Variants in SNTB2 observed in about 807,000 individuals in gnomAD.
SNTB2 encodes syntrophin beta 2.
SNTB2 carries 34 observed loss-of-function variants against 46.2 expected under a neutral mutation model. The observed-to-expected ratio is 0.74, with a 90% CI of 0.56 to 0.98. SNTB2 has a LOEUF of 0.98. SNTB2 is among the 50% of genes least tolerant of loss of function. The pLI is 0.00. For missense variants in SNTB2, 603 were observed against 731.4 expected (o/e 0.82, Z 2.02); for synonymous variants, 290 against 312.6 (o/e 0.93, Z 0.76).
chr16:69,282,151 C>T (rs544130949), intron 4 of SNTB2, among the ~76,000 whole-genome samples: 78 of 149,566 alleles, frequency 5.2e-4, no homozygotes, highest in Non-Finnish European at 9.5e-4. Flanking sequence ...GTGATCCGCC[C>T]GCCTTGGCCT....
At chr16:69,192,851 T>C (rs79901720) in intron 1 of SNTB2, among the ~76,000 whole-genome samples, 3,507 of 152,284 alleles carry the variant, frequency 0.023, 136 homozygotes, top group African/African-American at 0.08. Context: ...AAAAGAAATA[T>C]AAAATTCAAA....
chr16:69,288,727 A>G (rs566004933), intron 5 of SNTB2, among the ~76,000 whole-genome samples: 16 of 152,366 alleles, frequency 1.1e-4, no homozygotes, highest in Non-Finnish European at 2.1e-4. Flanking sequence ...TGTCAGAAAG[A>G]TACCTGCACC....
chr16:69,301,033 C>T lies in SNTB2; in HGVS notation c.*109C>T, dbSNP rs1965274150. On this transcript the variant is annotated 3_prime_UTR_variant, in exon 7 of 7. Transcript: ENST00000336278. ...TGCTCTCCTTCAGCACAGTGCCTTC[C>T]CAAGGACCTGCAAATAACTGCTGAA... is the stretch of plus-strand genomic sequence containing the variant. The T allele has an allele frequency of 1.5e-6, 1 of 672,242 alleles. No individual in the cohort carries two copies. The highest frequency in any genetic ancestry group is 2.6e-6 in the Non-Finnish European group (1 of 382,908). 41.6% of individuals were successfully genotyped at this position (672,242 alleles called of 1,614,324 possible). A position where few individuals can be genotyped will look rare whatever the true frequency, so the allele number is the denominator to read the frequency against.
Position 69,301,247 on chromosome 16 carries a change from A to C in SNTB2, c.*323A>C, listed in dbSNP as rs1303393840. The C allele has an allele frequency of 4.7e-6, 1 of 211,702 alleles. No homozygotes were observed. Among genetic ancestry groups the C allele is most frequent in the African/African-American group, 2.3e-5 (1 of 43,530 alleles). 13.1% of individuals were successfully genotyped at this position (211,702 alleles called of 1,614,324 possible). On this transcript the variant is annotated 3_prime_UTR_variant, in exon 7 of 7. Coordinates refer to ENST00000336278, the MANE Select transcript of SNTB2 (RefSeq NM_006750.4). ...GTTTTCTTTTTTTTTCATTGTTTTC[A>C]TTTTTAGACATAATCAAATACCCAA...
intron 1 of SNTB2, among the ~76,000 whole-genome samples, chr16:69,241,169 T>C (rs1053009608): frequency 2.2e-5 from 1 of 44,836 alleles, no homozygotes; most frequent in East Asian, 4.2e-4. Flanking sequence ...CTGGATAAGC[T>C]TTTTTTTTTT....
chr16:69,218,615 G>T (rs1270352302), intron 1 of SNTB2, among the ~76,000 whole-genome samples: 1 of 152,014 alleles, frequency 6.6e-6, no homozygotes, highest in Admixed American at 6.6e-5. Flanking sequence ...TAGAGACGGG[G>T]TTTCACTGTG....
chr16:69,197,855 A>T (rs1264499621), intron 1 of SNTB2, among the ~76,000 whole-genome samples: 1 of 152,202 alleles, frequency 6.6e-6, no homozygotes, highest in Non-Finnish European at 1.5e-5. Context: ...AGTAGTGTAG[A>T]TAATTTTTTT....
At chr16:69,235,889 T>A in intron 1 of SNTB2, 1 of 1,278,538 alleles carries the variant, frequency 7.8e-7, no homozygotes, top group Non-Finnish European at 1.0e-6. Flanking sequence ...GTTGTGTGGA[T>A]GCAGTCCCAT....
At chr16:69,231,860 T>C (rs1229904482) in intron 1 of SNTB2, among the ~76,000 whole-genome samples, 2 of 152,328 alleles carry the variant, frequency 1.3e-5, no homozygotes, top group Non-Finnish European at 2.9e-5. Context: ...ATTGAGAAGC[T>C]TGCATATTCT....
chr16:69,223,428 C>T (rs1597178260), intron 1 of SNTB2, among the ~76,000 whole-genome samples: 2 of 152,114 alleles, frequency 1.3e-5, no homozygotes, highest in Admixed American at 6.5e-5. Context: ...TTCCTGACTT[C>T]AGGTAATGCA....
chr16:69,247,376 GA>G (rs1341737841), intron 2 of SNTB2, among the ~76,000 whole-genome samples: 2 of 152,088 alleles, frequency 1.3e-5, no homozygotes, highest in Non-Finnish European at 2.9e-5. Flanking sequence ...GAGATTAGTG[GA>G]AAAAATAAGA....
In SNTB2 at chr16:69,305,502, T is replaced by C. The variant is rs1488967825; in HGVS notation, c.*4578T>C. 1 of 152,226 alleles carries C rather than the reference T, an allele frequency of 6.6e-6. No individual in the cohort carries two copies. Among genetic ancestry groups the C allele is most frequent in the Non-Finnish European group, 1.5e-5 (1 of 68,032 alleles). The allele number at this position is 152,226 out of a possible 1,614,324, so 9.4% of individuals were successfully genotyped here. On this transcript the variant is annotated 3_prime_UTR_variant, in exon 7 of 7. Transcript: ENST00000336278. ...GTTAGAAAGCCAAAGGTCTTCTTTT[T>C]TCAATTCCTAATGAATAAGTAAAAT... is the stretch of plus-strand genomic sequence containing the variant.
chr16:69,272,456 C>T (rs961243006), intron 4 of SNTB2, among the ~76,000 whole-genome samples: 2 of 150,630 alleles, frequency 1.3e-5, no homozygotes, highest in African/African-American at 2.5e-5. Context: ...AGAAGAATTG[C>T]CTGGATATGG....
intron 1 of SNTB2, among the ~76,000 whole-genome samples, chr16:69,216,856 G>C (rs899102046): frequency 6.6e-6 from 1 of 152,232 alleles, no homozygotes; most frequent in South Asian, 2.1e-4. Context: ...GGCTGGGGTT[G>C]CTGTGCCACT....
chr16:69,203,981 C>T (rs1258193725), intron 1 of SNTB2, among the ~76,000 whole-genome samples: 1 of 152,108 alleles, frequency 6.6e-6, no homozygotes, highest in African/African-American at 2.4e-5. Flanking sequence ...CAACCTCCAC[C>T]TCCCAGGTTC....
At chr16:69,289,146 G>C (rs1965135015) in intron 5 of SNTB2, among the ~76,000 whole-genome samples, 1 of 151,884 alleles carries the variant, frequency 6.6e-6, no homozygotes, top group South Asian at 2.1e-4. Context: ...ATGCATGCCT[G>C]TAATCCCTGC....
intron 1 of SNTB2, among the ~76,000 whole-genome samples, chr16:69,236,774 A>G (rs902537972): frequency 4.0e-5 from 6 of 151,784 alleles, no homozygotes; most frequent in Non-Finnish European, 7.4e-5. Context: ...TAGGTAGGCT[A>G]GAGAACAATT....
intron 4 of SNTB2, among the ~76,000 whole-genome samples, chr16:69,280,646 C>G (rs542105393): frequency 1.3e-5 from 2 of 152,322 alleles, no homozygotes; most frequent in East Asian, 3.9e-4. Context: ...GGGCTCCTCA[C>G]TTCCCAGTAG....
intron 4 of SNTB2, among the ~76,000 whole-genome samples, chr16:69,280,480 T>C (rs1394412234): frequency 6.3e-5 from 9 of 142,594 alleles, no homozygotes; most frequent in South Asian, 4.5e-4. Flanking sequence ...GGCGGCTGGC[T>C]GGGCGGGGGG....
Sources: gnomAD v4.1 joint callset for allele counts (sites outside exome capture counted in the v4.1 genomes callset) on GRCh38, gnomAD v4.1.1 for gene constraint, MANE v1.5 for transcripts, NCBI Gene and HGNC (gene_info 2026-07-23, HGNC 2026-07-21) for gene names.